HOGA1: variants seen among roughly 807,000 people sequenced by gnomAD.
HOGA1 encodes 4-hydroxy-2-oxoglutarate aldolase 1, also known as 4-hydroxy-2-oxoglutarate aldolase, mitochondrial.
In HOGA1, 30 loss-of-function variants were observed where a neutral mutation model predicts 34.3. The observed-to-expected ratio is 0.87, with a 90% CI of 0.65 to 1.19. The LOEUF (loss-of-function observed/expected upper bound fraction) is 1.19, where lower values mean the gene tolerates loss of function less well. Among genes scored for constraint, HOGA1 ranks in the 50% most tolerant of loss-of-function variants. The pLI, the probability that HOGA1 is intolerant of heterozygous loss-of-function variation, is 0.00. For synonymous variants in HOGA1, 161 were observed against 174.0 expected (o/e 0.93, Z 0.59); for missense variants, 417 against 436.5 (o/e 0.96, Z 0.40).
intron 1 of HOGA1, among the ~76,000 whole-genome samples, chr10:97,592,210 T>G (rs868528095): frequency 5.3e-5 from 8 of 150,864 alleles, no homozygotes; most frequent in African/African-American, 1.9e-4. Flanking sequence ...TGGTGGAGGC[T>G]GGGTGAAGGA....
At chr10:97,600,354 T>C (rs971743987) in intron 5 of HOGA1, 191 bp downstream of exon 5, 10 of 647,484 alleles carry the variant, frequency 1.5e-5, no homozygotes, top group Non-Finnish European at 2.5e-5. Flanking sequence ...TGAGTAACCT[T>C]GTTGGCTGAA....
intron 6 of HOGA1, among the ~76,000 whole-genome samples, chr10:97,604,947 C>T (rs1002560134): frequency 6.6e-6 from 1 of 152,182 alleles, no homozygotes; most frequent in Non-Finnish European, 1.5e-5. Flanking sequence ...TGCCACTGCA[C>T]TCCAGCCTGG....
intron 1 of HOGA1, among the ~76,000 whole-genome samples, chr10:97,592,722 A>T (rs2041036588): frequency 6.6e-6 from 1 of 151,988 alleles, no homozygotes; most frequent in African/African-American, 2.4e-5. Context: ...TGGTAAGAAT[A>T]TTTTTATTAA....
chr10:97,585,054 A>G, intron 1 of HOGA1, 140 bp downstream of exon 1: 1 of 710,380 alleles, frequency 1.4e-6, no homozygotes, highest in Non-Finnish European at 2.5e-6. Context: ...TGGGAGAGGA[A>G]CAGGGGAGAC....
intron 1 of HOGA1, among the ~76,000 whole-genome samples, chr10:97,594,133 T>C (rs184984265): frequency 0.015 from 2,265 of 147,908 alleles, 31 homozygotes; most frequent in Non-Finnish European, 0.026. Flanking sequence ...CCTCCCAAAG[T>C]GCTGGAATTA....
intron 1 of HOGA1, chr10:97,590,703 A>G: frequency 1.2e-6 from 1 of 815,968 alleles, no homozygotes. Context: ...CTGTGCCCAA[A>G]TCCCTACTTT....
At chr10:97,589,881 T>TA in intron 1 of HOGA1, 1 of 1,602,266 alleles carries the variant, frequency 6.2e-7, no homozygotes. Context: ...GCCCTCTTGC[T>TA]AGGAGGTGGA....
chr10:97,595,693 TCAAAA>T (rs960419849), intron 1 of HOGA1, among the ~76,000 whole-genome samples: 8 of 152,206 alleles, frequency 5.3e-5, no homozygotes, highest in African/African-American at 1.4e-4. Flanking sequence ...AGACTCTGTC[TCAAAA>T]CAAAACAAAA....
chr10:97,600,101 G>A lies in HOGA1; in HGVS notation c.638G>A (p.Arg213Lys). 6.2e-7 allele frequency: 1 copy of A among 1,614,206 alleles called. No individual in the cohort carries two copies. Among genetic ancestry groups the A allele is most frequent in the South Asian group, 1.1e-5 (1 of 91,088 alleles). Reference protein sequence around the residue: ...TRIGLIVHKTRKQDFQVLAGS... With the variant: ...TRIGLIVHKTKKQDFQVLAGS... ...ATTGGGCTGATTGTTCACAAGACCAGGAAGCAGGATTTTCAGGTGTTGGCT... is the reference window on the plus strand; with the variant it reads ...ATTGGGCTGATTGTTCACAAGACCAAGAAGCAGGATTTTCAGGTGTTGGCT... The change falls in exon 5 of 7, where the codon AGG becomes AAG. Residue 213 changes from arginine to lysine, a missense_variant. By Grantham distance (26) the Arg-to-Lys change is conservative. Coordinates refer to ENST00000370646, the MANE Select transcript of HOGA1 (RefSeq NM_138413.4).
At chr10:97,610,501 T>A (rs2041186676) in intron 6 of HOGA1, among the ~76,000 whole-genome samples, 3 of 151,318 alleles carry the variant, frequency 2.0e-5, no homozygotes, top group Middle Eastern at 6.8e-3. Flanking sequence ...ATAAATAAAT[T>A]ATTACGGGTG....
intron 1 of HOGA1, among the ~76,000 whole-genome samples, chr10:97,595,001 G>A (rs990663309): frequency 7.9e-5 from 12 of 152,222 alleles, no homozygotes; most frequent in Non-Finnish European, 1.6e-4. Context: ...AGGTGGCAAT[G>A]ATGATGGACT....
At chr10:97,610,966 C>T (rs1039939497) in intron 6 of HOGA1, among the ~76,000 whole-genome samples, 4 of 152,190 alleles carry the variant, frequency 2.6e-5, no homozygotes, top group African/African-American at 9.6e-5. Flanking sequence ...TACAACAAAA[C>T]TTCCTTGGGA....
rs2041195318 is a variant in HOGA1 at position 97,611,501 on chromosome 10, G to A, written c.835-9G>A. 6 of 1,614,120 alleles carry A rather than the reference G, an allele frequency of 3.7e-6. No homozygotes were observed. The highest frequency in any genetic ancestry group is 2.2e-5 in the East Asian group (1 of 44,898). On this transcript the variant is annotated splice_polypyrimidine_tract_variant and intron_variant, in intron 6 of 6. Transcript: ENST00000370646. ...TTCTCAGTCTCTTCTAACAGGCCCT[G>A]CTTTGCAGGTGACCCGGCGCTTTGG...
At chr10:97,595,017 C>T (rs917772067) in intron 1 of HOGA1, among the ~76,000 whole-genome samples, 6 of 152,170 alleles carry the variant, frequency 3.9e-5, no homozygotes, top group South Asian at 2.1e-4. Context: ...GGACTAAGAA[C>T]GCATAATAAT....
intron 3 of HOGA1, 116 bp from the exon 4 acceptor site, chr10:97,599,564 C>T: frequency 7.6e-7 from 1 of 1,320,352 alleles, no homozygotes; most frequent in Non-Finnish European, 1.1e-6. Flanking sequence ...GGGAGGGAGG[C>T]CTGTCCAGGT....
In HOGA1 at chr10:97,600,165, T is replaced by A. The variant is rs990830655; in HGVS notation, c.700+2T>A. ...TTCTGATGGCCAGCTATGCCTTGGGTAGGCCGCCCACTGCTCTCAAATTGT... is the reference window on the plus strand; with the variant it reads ...TTCTGATGGCCAGCTATGCCTTGGGAAGGCCGCCCACTGCTCTCAAATTGT... On this transcript the variant is annotated splice_donor_variant, in intron 5 of 6. Coordinates refer to ENST00000370646, the MANE Select transcript of HOGA1 (RefSeq NM_138413.4). LOFTEE classifies it high-confidence loss of function. 1.9e-6 allele frequency: 3 copies of A among 1,612,672 alleles called. 1 individual carries two copies. The South Asian group carries it at 3.3e-5, about 18-fold the overall frequency.
At chr10:97,604,855 A>G (rs1803651662) in intron 6 of HOGA1, among the ~76,000 whole-genome samples, 1 of 152,112 alleles carries the variant, frequency 6.6e-6, no homozygotes, top group African/African-American at 2.4e-5. Context: ...GGTGGTGCAC[A>G]TCTGTAATCC....
chr10:97,599,061 G>A (rs770107834), intron 2 of HOGA1, 28 bp from the exon 3 acceptor site: 5 of 1,610,756 alleles, frequency 3.1e-6, no homozygotes, highest in Non-Finnish European at 4.2e-6. Context: ...CCTTCTGCCT[G>A]CTCTCACCTC....
chr10:97,598,658 G>T, intron 1 of HOGA1, 117 bp from the exon 2 acceptor site: 1 of 1,331,322 alleles, frequency 7.5e-7, no homozygotes, highest in African/African-American at 1.4e-5. Context: ...GGAACCTTCT[G>T]TCTGCAAAGA....
Sources: allele counts gnomAD v4.1 joint callset (sites outside exome capture counted in the v4.1 genomes callset), GRCh38; gene constraint gnomAD v4.1.1; transcripts MANE v1.5; gene names NCBI Gene and HGNC (gene_info 2026-07-23, HGNC 2026-07-21).